ZCWPW1: variants seen among roughly 807,000 people sequenced by gnomAD.
ZCWPW1 encodes zinc finger CW-type and PWWP domain containing 1.
In ZCWPW1, 56 loss-of-function variants were observed where a neutral mutation model predicts 81.3. The observed-to-expected ratio is 0.69, with a 90% CI of 0.56 to 0.86. The LOEUF (loss-of-function observed/expected upper bound fraction) is 0.86. Among genes scored for constraint, ZCWPW1 ranks in the 40% least tolerant of loss-of-function variants. The pLI, the probability that ZCWPW1 is intolerant of heterozygous loss-of-function variation, is 0.00. For synonymous variants in ZCWPW1, 250 were observed against 273.7 expected (o/e 0.91, Z 0.86); for missense variants, 650 against 769.8 (o/e 0.84, Z 1.84).
At chr7:100,407,795 C>CG in intron 10 of ZCWPW1, among the ~76,000 whole-genome samples, 1 of 152,246 alleles carries the variant, frequency 6.6e-6, no homozygotes, top group East Asian at 1.9e-4. Context: ...TGACTTCCAT[C>CG]GATGCACACA....
intron 8 of ZCWPW1, among the ~76,000 whole-genome samples, chr7:100,415,717 C>T (rs112184713): frequency 6.6e-6 from 1 of 152,200 alleles, no homozygotes; most frequent in African/African-American, 2.4e-5. Flanking sequence ...CAAACTATTA[C>T]CTTTCTTACC....
Position 100,421,081 on chromosome 7 carries a change from C to T in ZCWPW1, c.-29-403G>A, listed in dbSNP as rs771904073. On this transcript the variant is annotated intron_variant, in intron 2 of 17. Coordinates refer to ENST00000684423, the MANE Select transcript of ZCWPW1 (RefSeq NM_001386010.1). ...GAGAGGATCACTTGAGCCCAGGAGG[C>T]GGAGGCTGCAGTGAGCCAAAATTGT... Among the ~76,000 whole-genome samples, 9 of 152,288 alleles carry T rather than the reference C, an allele frequency of 5.9e-5. No individual in the cohort carries two copies. The South Asian group carries it at 1.0e-3, about 18-fold the overall frequency.
At chr7:100,416,518 T>C in intron 6 of ZCWPW1, 62 bp from the exon 7 acceptor site, 1 of 1,567,372 alleles carries the variant, frequency 6.4e-7, no homozygotes, top group Middle Eastern at 1.9e-4. Flanking sequence ...ACTCTTCTTC[T>C]GAAAAAACCC....
intron 6 of ZCWPW1, 80 bp downstream of exon 6, chr7:100,416,986 G>A: frequency 2.1e-6 from 2 of 952,902 alleles, no homozygotes; most frequent in Non-Finnish European, 1.6e-6. Context: ...TGACCAGATA[G>A]ACAGACAGAT....
rs750430140 is a variant in ZCWPW1 at position 100,419,619 on chromosome 7, ATGAC to A, written c.282+7_282+10del. The A allele has an allele frequency of 6.2e-7, 1 of 1,604,570 alleles. No individual in the cohort carries two copies. The highest frequency in any genetic ancestry group is 1.1e-5 in the South Asian group (1 of 89,316). ...AAATCTCCTACCAGAGCCCACCACT[ATGAC>A]TGGTACCTTTTCTTTCTTCTCTGCT... On this transcript the variant is annotated splice_region_variant and intron_variant, in intron 4 of 17. Transcript: ENST00000684423.
chr7:100,416,106 A>G lies in ZCWPW1; in HGVS notation c.632-9T>C. 6.2e-7 allele frequency: 1 copy of G among 1,613,332 alleles called. No individual in the cohort carries two copies. The highest frequency in any genetic ancestry group is 1.1e-5 in the South Asian group (1 of 91,044). On this transcript the variant is annotated splice_polypyrimidine_tract_variant and intron_variant, in intron 7 of 17. Transcript: ENST00000684423. Reference sequence around the variant, plus strand: ...CTCCACCTTCTCATCTTCTGGGAAGAAAAAAGAAAACGTGAGGTGGGGAGA... The same window carrying G: ...CTCCACCTTCTCATCTTCTGGGAAGGAAAAAGAAAACGTGAGGTGGGGAGA...
At chr7:100,404,151 C>G in intron 14 of ZCWPW1, 27 bp downstream of exon 14, 1 of 1,612,462 alleles carries the variant, frequency 6.2e-7, no homozygotes, top group East Asian at 2.2e-5. Context: ...CCATCCTTCT[C>G]CAGTCCTCAA....
rs777061385 is a variant in ZCWPW1 at position 100,417,082 on chromosome 7, T to C, written c.463A>G (p.Thr155Ala). Residue 155 changes from threonine (T) to alanine (A), a missense_variant, in exon 6 of 18, where the codon ACT becomes GCT. Coordinates refer to ENST00000684423, the MANE Select transcript of ZCWPW1 (RefSeq NM_001386010.1). ...TAAACTTACCCATTAGCATTATCAG[T>C]ATCAGTAGCAGAAGCAGTAATTCCT... ...EPGITASATDTDNANGEEVPH... is the reference protein window; with the variant it reads ...EPGITASATDADNANGEEVPH... 2.3e-5 allele frequency: 37 copies of C among 1,613,850 alleles called. No individual in the cohort carries two copies. The highest frequency in any genetic ancestry group is 4.0e-5 in the African/African-American group (3 of 74,926).
rs377758789 is a variant in ZCWPW1 at position 100,401,897 on chromosome 7, T to C, written c.1619A>G (p.Asp540Gly). Reference sequence around the variant, plus strand: ...CAGGCCTTGAGCCTTACCTGGCTGGTCAGAATCTGAATTCCCTTGGCCTTC... The same window carrying C: ...CAGGCCTTGAGCCTTACCTGGCTGGCCAGAATCTGAATTCCCTTGGCCTTC... ...RKEGQGNSDS[D>G]QPGPKKKFKA... is the part of the protein sequence containing the mutation. The change falls in exon 17 of 18, where the codon GAC becomes GGC. Residue 540 changes from aspartate (D) to glycine (G), a missense_variant. Asp to Gly is a moderately conservative substitution (Grantham distance 94). Transcript: ENST00000684423. 6.8e-5 allele frequency: 109 copies of C among 1,612,386 alleles called. No individual in the cohort carries two copies. Among genetic ancestry groups the C allele is most frequent in the Non-Finnish European group, 8.9e-5 (105 of 1,179,136 alleles).
intron 8 of ZCWPW1, among the ~76,000 whole-genome samples, chr7:100,414,438 C>T (rs1794794617): frequency 6.6e-6 from 1 of 152,090 alleles, no homozygotes; most frequent in Admixed American, 6.5e-5. Context: ...TTTTTAGAGA[C>T]AGGGTCTTGC....
Position 100,419,202 on chromosome 7 carries a change from G to A in ZCWPW1, c.283-13C>T, listed in dbSNP as rs761652881. 52 of 1,608,574 alleles carry A rather than the reference G, an allele frequency of 3.2e-5. No homozygotes were observed. The highest frequency in any genetic ancestry group is 2.1e-4 in the South Asian group (19 of 90,370). Reference sequence around the variant, plus strand: ...GACTTGATTTTTCCTGCAGAGACAAGGGTAGGGGAGGAAAACCACTTATCT... The same window carrying A: ...GACTTGATTTTTCCTGCAGAGACAAAGGTAGGGGAGGAAAACCACTTATCT... On this transcript the variant is annotated splice_polypyrimidine_tract_variant and intron_variant, in intron 4 of 17. Transcript: ENST00000684423.
intron 12 of ZCWPW1, among the ~76,000 whole-genome samples, chr7:100,405,440 AAAG>A (rs905726713): frequency 2.6e-5 from 4 of 152,156 alleles, no homozygotes; most frequent in Admixed American, 6.5e-5. Context: ...AAGAAAAAAA[AAAG>A]AAAAAGATTA....
chr7:100,408,697 A>C (rs762780467), intron 9 of ZCWPW1, 38 bp from the exon 10 acceptor site: 10 of 1,600,052 alleles, frequency 6.2e-6, no homozygotes, highest in Non-Finnish European at 8.5e-6. Flanking sequence ...ACAGGAAGAG[A>C]CTCTTTAAGA....
chr7:100,401,705 A>G (rs1235713258), intron 17 of ZCWPW1, among the ~76,000 whole-genome samples, 184 bp downstream of exon 17: 1 of 152,248 alleles, frequency 6.6e-6, no homozygotes, highest in African/African-American at 2.4e-5. Flanking sequence ...GGGCCAAATC[A>G]AATCAGGAAT....
At position 100,401,061 on chromosome 7, in the gene ZCWPW1, T is replaced by C; in HGVS notation, c.1903A>G (p.Ser635Gly). ...ELGQSGELQH[S>G]NSDGEDFPVA... ...GGGAAGTCCTCGCCATCACTGTTGC[T>C]GTGCTGCAGCTCCCCGCTCTGCCCC... is the stretch of plus-strand genomic sequence containing the variant. The change falls in exon 18 of 18, where the codon AGC becomes GGC. Residue 635 changes from serine to glycine, a missense_variant. By Grantham distance (56) the Ser-to-Gly change is moderately conservative. Transcript: ENST00000684423. 6.2e-7 allele frequency: 1 copy of C among 1,614,038 alleles called. No individual in the cohort carries two copies. The highest frequency in any genetic ancestry group is 8.5e-7 in the Non-Finnish European group (1 of 1,179,936).
intron 12 of ZCWPW1, among the ~76,000 whole-genome samples, chr7:100,406,343 C>T (rs1181671090): frequency 1.3e-5 from 2 of 152,104 alleles, no homozygotes; most frequent in Non-Finnish European, 2.9e-5. Context: ...ACAGGACAGC[C>T]CTCCACAACC....
intron 11 of ZCWPW1, 120 bp from the exon 12 acceptor site, chr7:100,406,918 C>T (rs1793129209): frequency 1.2e-6 from 1 of 843,142 alleles, no homozygotes. Context: ...CTCACATACT[C>T]CTTTCAAAGC....
At chr7:100,401,398 A>C (rs1247103400) in intron 17 of ZCWPW1, 62 bp from the exon 18 acceptor site, 1 of 1,367,736 alleles carries the variant, frequency 7.3e-7, no homozygotes, top group African/African-American at 1.5e-5. Context: ...ACCTTTTATA[A>C]GTCAAACTCC....
chr7:100,426,538 A>G (rs891678899), intron 1 of ZCWPW1, among the ~76,000 whole-genome samples: 3 of 150,678 alleles, frequency 2.0e-5, no homozygotes, highest in African/African-American at 7.3e-5. Context: ...TTTTTAAGCC[A>G]GAGTCTGATC....
Sources: gnomAD v4.1 joint callset for allele counts (sites outside exome capture counted in the v4.1 genomes callset) on GRCh38, gnomAD v4.1.1 for gene constraint, MANE v1.5 for transcripts, NCBI Gene and HGNC (gene_info 2026-07-23, HGNC 2026-07-21) for gene names.